Variants in MYO15A observed in about 807,000 individuals in gnomAD.
The protein encoded by MYO15A is unconventional myosin-XV.
MYO15A carries 308 observed loss-of-function variants against 394.6 expected under a neutral mutation model. That is an observed-to-expected ratio of 0.78 (90% CI 0.71 to 0.86). MYO15A has a LOEUF of 0.86. Ranked by LOEUF, MYO15A falls within the 40% of genes least tolerant of loss-of-function variation. MYO15A has a pLI of 0.00. For synonymous variants in MYO15A, 1,957 were observed against 2,003.8 expected, an observed-to-expected ratio of 0.98 and a Z score of 0.62; for missense variants, 4,606 against 4,799.1, an observed-to-expected ratio of 0.96 and a Z score of 1.19.
At chr17:18,170,518 C>A (rs1019436035) in intron 62 of MYO15A, among the ~76,000 whole-genome samples, 19 of 151,692 alleles carry the variant, frequency 1.3e-4, no homozygotes, top group African/African-American at 4.4e-4. Flanking sequence ...GCCAAAATGC[C>A]CAGCTAATTT....
In MYO15A at chr17:18,150,916, G is replaced by A. The variant is rs1189894900; in HGVS notation, c.7473+3G>A. 1 of 1,604,078 alleles carries A rather than the reference G, an allele frequency of 6.2e-7. No individual in the cohort carries two copies. Among genetic ancestry groups the A allele is most frequent in the Non-Finnish European group, 8.5e-7 (1 of 1,175,672 alleles). On this transcript the variant is annotated splice_donor_region_variant and intron_variant, in intron 38 of 65. Coordinates refer to ENST00000647165, the MANE Select transcript of MYO15A (RefSeq NM_016239.4). This position sits in a 1 kb window ranked among gnomAD's most constrained non-coding sequence, Gnocchi z 4.4. Reference sequence around the variant, plus strand: ...CCCTGAGATCCTTGCCCGCAGAGGTGAGCCTGGCCTGCCCAGGGTGCAGGG... The same window carrying A: ...CCCTGAGATCCTTGCCCGCAGAGGTAAGCCTGGCCTGCCCAGGGTGCAGGG...
At chr17:18,142,965 A>G in intron 25 of MYO15A, 125 bp downstream of exon 25, 1 of 837,138 alleles carries the variant, frequency 1.2e-6, no homozygotes, top group Non-Finnish European at 2.0e-6. Context: ...GCCACCCACT[A>G]GCTCTTTAAC....
chr17:18,147,879 C>T lies in MYO15A; in HGVS notation c.6510-150C>T, dbSNP rs780859614. On this transcript the variant is annotated intron_variant, in intron 30 of 65. Transcript: ENST00000647165. This position sits in a 1 kb window ranked among gnomAD's most constrained non-coding sequence, Gnocchi z 4.4. ...TAGCCTGGGACCCTTGTGAACCAGC[C>T]TGGAGCCTTTTTAGCCTCACCTTGG... 61 of 985,882 alleles carry T rather than the reference C, an allele frequency of 6.2e-5. No homozygotes were observed. Among genetic ancestry groups the T allele is most frequent in the Non-Finnish European group, 9.1e-5 (58 of 639,528 alleles). 61.1% of individuals were successfully genotyped at this position (985,882 alleles called of 1,614,324 possible). A position where few individuals can be genotyped will look rare whatever the true frequency, so the allele number is the denominator to read the frequency against.
At chr17:18,122,582 G>A in intron 2 of MYO15A, 173 bp downstream of exon 2, 1 of 998,262 alleles carries the variant, frequency 1.0e-6, no homozygotes, top group Non-Finnish European at 1.4e-6. Flanking sequence ...ACCTCTGGAG[G>A]GTTGAACAAG....
At position 18,158,568 on chromosome 17, in the gene MYO15A, C is replaced by T; in HGVS notation, c.9013C>T (p.Leu3005=). The change falls in exon 52 of 66, where the codon CTG becomes TTG. Residue 3005 remains leucine, a synonymous_variant. Coordinates refer to ENST00000647165, the MANE Select transcript of MYO15A (RefSeq NM_016239.4). ...ARSADHGEDA[L]ALPPYTMLEF... ...CTCTGCTGACCATGGGGAGGACGCC[C>T]TGGCGCTCCCACCCTACACAATGCT... 1 of 1,614,166 alleles carries T rather than the reference C, an allele frequency of 6.2e-7. No homozygotes were observed. Among genetic ancestry groups the T allele is most frequent in the Non-Finnish European group, 8.5e-7 (1 of 1,180,012 alleles).
In MYO15A at chr17:18,148,212, T is replaced by C; in HGVS notation, c.6691+2T>C. On this transcript the variant is annotated splice_donor_variant, in intron 31 of 65. Coordinates refer to ENST00000647165, the MANE Select transcript of MYO15A (RefSeq NM_016239.4). LOFTEE classifies it high-confidence loss of function. The surrounding 1 kb of genome is among the most constrained non-coding windows in gnomAD (Gnocchi z 4.8). Reference sequence around the variant, plus strand: ...CGCTGGACGTGGGCTGCTTCAATGGTAAGCTGCCTTCCCCCACCTCAGTGA... The same window carrying C: ...CGCTGGACGTGGGCTGCTTCAATGGCAAGCTGCCTTCCCCCACCTCAGTGA... 6.2e-7 allele frequency: 1 copy of C among 1,613,422 alleles called. No individual in the cohort carries two copies. Among genetic ancestry groups the C allele is most frequent in the Non-Finnish European group, 8.5e-7 (1 of 1,179,972 alleles).
At chr17:18,142,966 G>C (rs1228924619) in intron 25 of MYO15A, 126 bp downstream of exon 25, 1 of 829,462 alleles carries the variant, frequency 1.2e-6, no homozygotes, top group African/African-American at 1.7e-5. Context: ...CCACCCACTA[G>C]CTCTTTAACT....
In MYO15A at chr17:18,132,189, G is replaced by A. The variant is rs114328950; in HGVS notation, c.4207-264G>A. Among the ~76,000 whole-genome samples the A allele has an allele frequency of 8.1e-3, 1,236 of 152,272 alleles. 20 individuals are homozygous for A. Among genetic ancestry groups the A allele is most frequent in the African/African-American group, 0.028 (1,162 of 41,554 alleles). The stretch of plus-strand genomic sequence containing the variant: ...GTGGCCGGTACACATAAGAGAAGAC[G>A]GGTCCCTTTTCTCTTATTTCTCCTA... On this transcript the variant is annotated intron_variant, in intron 10 of 65. Transcript: ENST00000647165. The surrounding 1 kb of genome is among the most constrained non-coding windows in gnomAD (Gnocchi z 4.6).
intron 51 of MYO15A, 31 bp downstream of exon 51, chr17:18,157,931 G>GGGGCC: frequency 2.4e-6 from 1 of 412,718 alleles, no homozygotes; most frequent in Non-Finnish European, 4.5e-6. Context: ...GTGGGGCGGG[G>GGGGCC]TAGACCAGGG....
intron 29 of MYO15A, among the ~76,000 whole-genome samples, chr17:18,144,800 CAAAAAAAA>C (rs35437143): frequency 1.7e-5 from 2 of 117,108 alleles, no homozygotes; most frequent in African/African-American, 3.2e-5. Context: ...ATCTTCCTGG[CAAAAAAAA>C]AAAAAAAAAA....
chr17:18,147,539 C>T lies in MYO15A; in HGVS notation c.6510-490C>T, dbSNP rs866533750. ...GGCCTGGGTTGAGTTGAACCCTCAG[C>T]TGTCCCTTTTATAGGTGAAAACTTG... is the stretch of plus-strand genomic sequence containing the variant. On this transcript the variant is annotated intron_variant, in intron 30 of 65. Coordinates refer to ENST00000647165, the MANE Select transcript of MYO15A (RefSeq NM_016239.4). This position sits in a 1 kb window ranked among gnomAD's most constrained non-coding sequence, Gnocchi z 4.4. Among the ~76,000 whole-genome samples, 36 of 152,260 alleles carry T rather than the reference C, an allele frequency of 2.4e-4. No homozygotes were observed. Among genetic ancestry groups the T allele is most frequent in the African/African-American group, 7.9e-4 (33 of 41,532 alleles).
chr17:18,152,175 C>T lies in MYO15A; in HGVS notation c.7957C>T (p.Pro2653Ser). The T allele has an allele frequency of 6.4e-7, 1 of 1,550,744 alleles. No individual in the cohort carries two copies. The highest frequency in any genetic ancestry group is 8.7e-7 in the Non-Finnish European group (1 of 1,147,298). ...CAGTGCACCAAGGCCATCCATGGCA[C>T]CCACTTCAGGTGAGAGGGCCAGGAG... is the stretch of plus-strand genomic sequence containing the variant. ...VTSAPRPSMAPTSALPSRSLE... is the reference protein window; with the variant it reads ...VTSAPRPSMASTSALPSRSLE... Residue 2653 changes from proline (P) to serine (S), a missense_variant, in exon 42 of 66, where the codon CCC (proline) becomes TCC (serine). Transcript: ENST00000647165.
intron 3 of MYO15A, chr17:18,124,789 C>T (rs539637992): frequency 2.2e-5 from 13 of 597,502 alleles, no homozygotes; most frequent in Admixed American, 8.8e-5. Flanking sequence ...TTGCACAAAT[C>T]GCTTTGTTTC....
At chr17:18,164,154 T>G in intron 60 of MYO15A, 1 of 417,420 alleles carries the variant, frequency 2.4e-6, no homozygotes, top group Non-Finnish European at 4.5e-6. Context: ...AGGTTTCCAT[T>G]AATAGCGCCG....
intron 13 of MYO15A, among the ~76,000 whole-genome samples, chr17:18,136,113 T>C (rs552055363): frequency 6.6e-6 from 1 of 152,198 alleles, no homozygotes; most frequent in African/African-American, 2.4e-5. Flanking sequence ...CCCTAATCTT[T>C]GGACGGGTCA....
At chr17:18,160,804 G>A (rs980937223) in intron 56 of MYO15A, 6 of 268,546 alleles carry the variant, frequency 2.2e-5, no homozygotes, top group Non-Finnish European at 4.4e-5. Flanking sequence ...TTCCACTCAT[G>A]CAGGGCCAGC....
intron 17 of MYO15A, 84 bp downstream of exon 17, chr17:18,138,330 C>T: frequency 1.3e-6 from 2 of 1,516,172 alleles, no homozygotes; most frequent in South Asian, 1.2e-5. Flanking sequence ...TCCTTCATTC[C>T]TCTCTGCTCT....
At position 18,120,135 on chromosome 17, in the gene MYO15A, T is replaced by A; in HGVS notation, c.1335T>A (p.Arg445=). ...AACCAGAGGACGCGGGCGTAGAGCG[T>A]CAGGGGACCTCCTTCCGCCTGCCCA... is the stretch of plus-strand genomic sequence containing the variant. ...LEEPEDAGVE[R]QGTSFRLPSA... The change falls in exon 2 of 66, where the codon CGT becomes CGA. Residue 445 remains arginine (R), a synonymous_variant. Transcript: ENST00000647165. 1 of 1,612,882 alleles carries A rather than the reference T, an allele frequency of 6.2e-7. No homozygotes were observed. The highest frequency in any genetic ancestry group is 1.1e-5 in the South Asian group (1 of 91,090).
intron 1 of MYO15A, among the ~76,000 whole-genome samples, chr17:18,115,560 G>T (rs973620070): frequency 1.3e-5 from 2 of 152,126 alleles, no homozygotes; most frequent in African/African-American, 4.8e-5. Context: ...AGAGGTTGCC[G>T]TGAGCCAAGA....
Sources: allele counts gnomAD v4.1 joint callset (sites outside exome capture counted in the v4.1 genomes callset), GRCh38; gene constraint gnomAD v4.1.1; non-coding constraint Gnocchi (gnomAD v3.1); transcripts MANE v1.5; gene names NCBI Gene and HGNC (gene_info 2026-07-23, HGNC 2026-07-21).